Variants in SPAG16 observed in about 807,000 individuals in gnomAD.
SPAG16 encodes sperm-associated antigen 16 protein.
SPAG16 carries 86 observed loss-of-function variants against 80.4 expected under a neutral mutation model. That is an observed-to-expected ratio of 1.07 (90% confidence interval 0.90 to 1.28). The LOEUF is 1.28. Ranked by LOEUF, SPAG16 falls within the 50% of genes most tolerant of loss-of-function variation. The pLI, the probability that SPAG16 is intolerant of heterozygous loss-of-function variation, is 0.00. For synonymous variants in SPAG16, 294 were observed against 265.9 expected (o/e 1.11, Z -1.03); for missense variants, 870 against 765.3 (o/e 1.14, Z -1.61).
intron 12 of SPAG16, among the ~76,000 whole-genome samples, chr2:213,954,792 C>T (rs1355168177): frequency 6.6e-6 from 1 of 152,134 alleles, no homozygotes; most frequent in Non-Finnish European, 1.5e-5. Flanking sequence ...ATTCCCAATT[C>T]TCCACATTGT....
At chr2:213,360,149 G>GACA (rs1427007626) in intron 7 of SPAG16, among the ~76,000 whole-genome samples, 1 of 152,128 alleles carries the variant, frequency 6.6e-6, no homozygotes, top group Non-Finnish European at 1.5e-5. Context: ...TTTTACCATG[G>GACA]ACAATGCTAA....
At chr2:213,741,323 G>A (rs576756546) in intron 10 of SPAG16, among the ~76,000 whole-genome samples, 17 of 152,158 alleles carry the variant, frequency 1.1e-4, no homozygotes, top group Non-Finnish European at 2.4e-4. Context: ...GACAGATTGG[G>A]TGATATGCTG....
chr2:213,932,447 T>C (rs2078808745), intron 12 of SPAG16, among the ~76,000 whole-genome samples: 1 of 151,856 alleles, frequency 6.6e-6, no homozygotes, highest in Non-Finnish European at 1.5e-5. Flanking sequence ...AGCTTCTAAG[T>C]GTTTGAGAAA....
intron 15 of SPAG16, among the ~76,000 whole-genome samples, chr2:214,309,995 A>G (rs1169325219): frequency 6.6e-6 from 1 of 152,036 alleles, no homozygotes; most frequent in East Asian, 1.9e-4. Context: ...GCTTCCTTAT[A>G]GTCTATATTT....
chr2:214,000,909 C>T (rs934960942), intron 12 of SPAG16, among the ~76,000 whole-genome samples: 2 of 152,072 alleles, frequency 1.3e-5, no homozygotes, highest in Non-Finnish European at 2.9e-5. Flanking sequence ...GCTTTTTCTC[C>T]TTTATTCTAT....
intron 9 of SPAG16, among the ~76,000 whole-genome samples, chr2:213,461,128 A>G (rs2072333502): frequency 1.3e-5 from 2 of 152,262 alleles, no homozygotes; most frequent in South Asian, 2.1e-4. Context: ...GTATTATGCT[A>G]GAGAGAGAAA....
At chr2:214,317,198 G>A (rs1448118151) in intron 15 of SPAG16, among the ~76,000 whole-genome samples, 4 of 152,144 alleles carry the variant, frequency 2.6e-5, no homozygotes, top group African/African-American at 9.7e-5. Context: ...ATCCAAGAGT[G>A]TTCAATTTTC....
intron 15 of SPAG16, among the ~76,000 whole-genome samples, chr2:214,310,660 C>T (rs946788414): frequency 6.6e-6 from 1 of 152,118 alleles, no homozygotes; most frequent in Admixed American, 6.5e-5. Flanking sequence ...TGCACCAGCT[C>T]CCCATCCTGG....
intron 10 of SPAG16, among the ~76,000 whole-genome samples, chr2:213,723,907 G>A (rs1162868535): frequency 6.6e-6 from 1 of 152,190 alleles, no homozygotes; most frequent in African/African-American, 2.4e-5. Flanking sequence ...ACCAGGAAGT[G>A]CCTCATCAGC....
chr2:213,833,455 T>TATATATATTATATATAATA (rs1559505541), intron 10 of SPAG16, among the ~76,000 whole-genome samples: 1,088 of 2,124 alleles, frequency 0.51, 408 homozygotes, highest in Non-Finnish European at 0.73. Context: ...ATATATATAT[T>TATATATATTATATATAATA]ATATATATAT....
intron 15 of SPAG16, among the ~76,000 whole-genome samples, chr2:214,366,614 G>T (rs997367010): frequency 6.6e-6 from 1 of 152,026 alleles, no homozygotes; most frequent in African/African-American, 2.4e-5. Context: ...ATCAAATTAA[G>T]ATCTGTGCAT....
At chr2:214,122,260 A>G (rs1294295453) in intron 14 of SPAG16, among the ~76,000 whole-genome samples, 1 of 151,830 alleles carries the variant, frequency 6.6e-6, no homozygotes, top group Non-Finnish European at 1.5e-5. Flanking sequence ...CTAAAAAAAT[A>G]GGTATAAACT....
intron 8 of SPAG16, among the ~76,000 whole-genome samples, chr2:213,368,759 T>G (rs2066467088): frequency 6.6e-6 from 1 of 152,196 alleles, no homozygotes; most frequent in African/African-American, 2.4e-5. Context: ...CAAGTATTCT[T>G]ATACACCAAT....
At chr2:213,552,337 T>C (rs1316594360) in intron 10 of SPAG16, among the ~76,000 whole-genome samples, 5 of 152,214 alleles carry the variant, frequency 3.3e-5, no homozygotes, top group Non-Finnish European at 5.9e-5. Flanking sequence ...ACAACAAATA[T>C]CTACTTTCTT....
At chr2:214,386,783 G>C (rs574774024) in intron 15 of SPAG16, among the ~76,000 whole-genome samples, 23 of 151,484 alleles carry the variant, frequency 1.5e-4, no homozygotes, top group African/African-American at 5.6e-4. Flanking sequence ...AGGATCACTT[G>C]AGCCCAGGAG....
intron 13 of SPAG16, among the ~76,000 whole-genome samples, chr2:214,070,960 A>G (rs1038526227): frequency 6.6e-6 from 1 of 152,132 alleles, no homozygotes; most frequent in African/African-American, 2.4e-5. Context: ...TGAGTCAACT[A>G]AGAAATTCAA....
chr2:213,389,663 G>A (rs2067637722), intron 9 of SPAG16, among the ~76,000 whole-genome samples: 1 of 152,030 alleles, frequency 6.6e-6, no homozygotes, highest in South Asian at 2.1e-4. Context: ...AATCATTAAG[G>A]AAATACAAAT....
intron 10 of SPAG16, among the ~76,000 whole-genome samples, chr2:213,825,210 C>G (rs2073198300): frequency 6.6e-6 from 1 of 151,990 alleles, no homozygotes; most frequent in Admixed American, 6.6e-5. Flanking sequence ...TTTTGAAGCA[C>G]TTTATTTCTT....
At chr2:214,008,154 T>G (rs916428676) in intron 12 of SPAG16, among the ~76,000 whole-genome samples, 20 of 152,166 alleles carry the variant, frequency 1.3e-4, no homozygotes, top group African/African-American at 4.3e-4. Context: ...CCCAATCTGA[T>G]ATTTTGCTCA....
Sources: allele counts gnomAD v4.1 joint callset (sites outside exome capture counted in the v4.1 genomes callset), GRCh38; gene constraint gnomAD v4.1.1; transcripts MANE v1.5; gene names NCBI Gene and HGNC (gene_info 2026-07-23, HGNC 2026-07-21).